The following EIF5B variants were observed in gnomAD, a reference collection of about 807,000 sequenced individuals.
EIF5B encodes eIF-5B.
A neutral mutation model predicts 147.5 loss-of-function variants in EIF5B; 47 were observed. That is an observed-to-expected ratio of 0.32 (90% CI 0.25 to 0.41). EIF5B has a LOEUF of 0.41. Among genes scored for constraint, EIF5B ranks in the 10% least tolerant of loss-of-function variants. EIF5B has a pLI of 1.00. For missense variants in EIF5B, 1,064 were observed against 1,413.2 expected (o/e 0.75, Z 3.96); for synonymous variants, 455 against 456.2 (o/e 1.00, Z 0.03).
intron 15 of EIF5B, 80 bp downstream of exon 15, chr2:99,389,929 C>G: frequency 6.8e-7 from 1 of 1,475,642 alleles, no homozygotes; most frequent in Non-Finnish European, 9.1e-7. Flanking sequence ...TCAGCATTTT[C>G]ATTAATACTG....
At chr2:99,348,777 A>T (rs61098335) in intron 1 of EIF5B, among the ~76,000 whole-genome samples, 4,059 of 152,218 alleles carry the variant, frequency 0.027, 135 homozygotes, top group African/African-American at 0.078. Flanking sequence ...CAACTTGGGG[A>T]TGGGGACGGA....
intron 9 of EIF5B, among the ~76,000 whole-genome samples, chr2:99,372,481 G>A (rs1474767588): frequency 6.6e-6 from 1 of 152,166 alleles, no homozygotes; most frequent in Non-Finnish European, 1.5e-5. Flanking sequence ...TGGGATTACA[G>A]GCATGCGCCA....
At chr2:99,359,883 A>G (rs1674171582) in intron 1 of EIF5B, among the ~76,000 whole-genome samples, 1 of 152,208 alleles carries the variant, frequency 6.6e-6, no homozygotes, top group Non-Finnish European at 1.5e-5. Flanking sequence ...ATCGTCGAGA[A>G]ATAAGACTTG....
At chr2:99,371,834 T>C in intron 9 of EIF5B, 104 bp downstream of exon 9, 2 of 1,066,992 alleles carry the variant, frequency 1.9e-6, no homozygotes, top group South Asian at 4.6e-5. Flanking sequence ...ATATGAACAT[T>C]TCTGGGGATA....
chr2:99,360,086 T>A (rs1574924620), intron 1 of EIF5B, 150 bp from the exon 2 acceptor site: 7 of 850,110 alleles, frequency 8.2e-6, no homozygotes, highest in African/African-American at 3.5e-5. Context: ...GATAAGTAGA[T>A]GTAACTTGTG....
rs1279019965 is a variant in EIF5B, at chr2:99,337,404, T to G, written c.-151T>G. On this transcript the variant is annotated 5_prime_UTR_variant, in exon 1 of 24. Transcript: ENST00000289371. ...CTGAGAACTCACACCATATGTGTCC[T>G]GTTCCAGTGCGCGGGTCTGTGGAGA... 4 of 941,522 alleles carry G rather than the reference T, an allele frequency of 4.2e-6. No homozygotes were observed. The highest frequency in any genetic ancestry group is 6.7e-6 in the Non-Finnish European group (4 of 597,358). 58.3% of individuals were successfully genotyped at this position (941,522 alleles called of 1,614,324 possible).
At position 99,399,487 on chromosome 2, in the gene EIF5B, A is replaced by G; in HGVS notation, c.*73A>G. The G allele has an allele frequency of 7.1e-7, 1 of 1,401,508 alleles. No homozygotes were observed. Among genetic ancestry groups the G allele is most frequent in the Non-Finnish European group, 1.0e-6 (1 of 999,750 alleles). 86.8% of individuals were successfully genotyped at this position (1,401,508 alleles called of 1,614,324 possible). A position where few individuals can be genotyped will look rare whatever the true frequency, so the allele number is the denominator to read the frequency against. On this transcript the variant is annotated 3_prime_UTR_variant, in exon 24 of 24. Coordinates refer to ENST00000289371, the MANE Select transcript of EIF5B (RefSeq NM_015904.4). ...AATATCCCAACAAAAATCAGACAAA[A>G]AATGGAACAGACGTATTTGGACACT... is the stretch of plus-strand genomic sequence containing the variant.
intron 6 of EIF5B, 40 bp from the exon 7 acceptor site, chr2:99,368,453 A>G (rs1420274614): frequency 7.0e-7 from 1 of 1,429,754 alleles, no homozygotes; most frequent in Non-Finnish European, 9.9e-7. Flanking sequence ...GGTGACATGC[A>G]AGTAGTATAA....
intron 9 of EIF5B, among the ~76,000 whole-genome samples, chr2:99,373,502 T>C (rs1320616556): frequency 6.6e-6 from 1 of 152,114 alleles, no homozygotes; most frequent in Non-Finnish European, 1.5e-5. Context: ...TTTATGAGAG[T>C]GACTTAATCA....
intron 1 of EIF5B, among the ~76,000 whole-genome samples, chr2:99,340,919 A>G (rs1415531295): frequency 6.6e-6 from 1 of 151,980 alleles, no homozygotes; most frequent in Admixed American, 6.6e-5. Context: ...ACAGGCGCCC[A>G]ACACCTGGCT....
In EIF5B at chr2:99,394,259, T is replaced by G; in HGVS notation, c.2881-8T>G. On this transcript the variant is annotated splice_polypyrimidine_tract_variant and splice_region_variant and intron_variant, in intron 18 of 23. Coordinates refer to ENST00000289371, the MANE Select transcript of EIF5B (RefSeq NM_015904.4). ...TGACAACCTTATCAAATCTGATTTCTTTTCAAGGATGAATTGATCCATGAG... is the reference window on the plus strand; with the variant it reads ...TGACAACCTTATCAAATCTGATTTCGTTTCAAGGATGAATTGATCCATGAG... 6.2e-7 allele frequency: 1 copy of G among 1,600,544 alleles called. No individual in the cohort carries two copies. Among genetic ancestry groups the G allele is most frequent in the Non-Finnish European group, 8.5e-7 (1 of 1,176,298 alleles).
chr2:99,389,948 C>A, intron 15 of EIF5B, 99 bp downstream of exon 15: 11 of 1,421,500 alleles, frequency 7.7e-6, no homozygotes, highest in Non-Finnish European at 1.0e-5. Flanking sequence ...TGGTTCTTTT[C>A]CTCTGTTGAC....
intron 4 of EIF5B, 36 bp downstream of exon 4, chr2:99,361,856 T>G (rs1674221625): frequency 6.7e-7 from 1 of 1,485,306 alleles, no homozygotes; most frequent in Non-Finnish European, 8.9e-7. Context: ...GCAAAAGGCT[T>G]TTGATTCACA....
chr2:99,377,052 T>C (rs796598586), intron 10 of EIF5B, among the ~76,000 whole-genome samples: 3 of 152,324 alleles, frequency 2.0e-5, no homozygotes, highest in African/African-American at 7.2e-5. Context: ...GGCTTCTATT[T>C]AGTAAAGTCC....
Position 99,398,907 on chromosome 2 carries a change from A to C in EIF5B, c.3553A>C (p.Lys1185Gln). 1.2e-6 allele frequency: 2 copies of C among 1,612,714 alleles called. No homozygotes were observed. Among genetic ancestry groups the C allele is most frequent in the Non-Finnish European group, 1.7e-6 (2 of 1,179,622 alleles). Reference protein sequence around the residue: ...HFEATDILVSKISRQSIDALK... With the variant: ...HFEATDILVSQISRQSIDALK... Reference sequence around the variant, plus strand: ...TGAAGCTACAGATATTCTTGTTAGTAAGGTAAGTATTTCAGCAAAAGTGGC... The same window carrying C: ...TGAAGCTACAGATATTCTTGTTAGTCAGGTAAGTATTTCAGCAAAAGTGGC... Residue 1185 changes from lysine (K) to glutamine (Q), a missense_variant and splice_region_variant, in exon 23 of 24, where the codon AAG becomes CAG. Coordinates refer to ENST00000289371, the MANE Select transcript of EIF5B (RefSeq NM_015904.4).
chr2:99,361,140 T>A lies in EIF5B; in HGVS notation c.247-8T>A, dbSNP rs375086827. ...TGTTAATTTTTTCTAACAATGGAAA[T>A]TTTTTAGCCAACAGAAAACAATGAA... On this transcript the variant is annotated splice_polypyrimidine_tract_variant and splice_region_variant and intron_variant, in intron 3 of 23. Coordinates refer to ENST00000289371, the MANE Select transcript of EIF5B (RefSeq NM_015904.4). 117 of 1,473,954 alleles carry A rather than the reference T, an allele frequency of 7.9e-5. No homozygotes were observed. The African/African-American group carries it at 1.3e-3, about 16-fold the overall frequency. The allele number at this position is 1,473,954 out of a possible 1,614,324, so 91.3% of individuals were successfully genotyped here.
At chr2:99,388,891 A>G (rs535364126) in intron 14 of EIF5B, among the ~76,000 whole-genome samples, 12 of 152,326 alleles carry the variant, frequency 7.9e-5, no homozygotes, top group Non-Finnish European at 1.2e-4. Flanking sequence ...GGATTATTTC[A>G]AAGAATTAGC....
chr2:99,361,004 G>C (rs1559248248), intron 3 of EIF5B, 144 bp from the exon 4 acceptor site: 1 of 919,476 alleles, frequency 1.1e-6, no homozygotes. Context: ...TTGCTTGTTT[G>C]AATTTTATAT....
At chr2:99,396,714 T>G in intron 21 of EIF5B, 46 bp from the exon 22 acceptor site, 3 of 1,552,680 alleles carry the variant, frequency 1.9e-6, no homozygotes, top group South Asian at 2.5e-5. Context: ...CTTTTTATGT[T>G]TAAGTGATTC....
Sources: gnomAD v4.1 joint callset for allele counts (sites outside exome capture counted in the v4.1 genomes callset) on GRCh38, gnomAD v4.1.1 for gene constraint, MANE v1.5 for transcripts, NCBI Gene and HGNC (gene_info 2026-07-23, HGNC 2026-07-21) for gene names.